Variants in RABGAP1 observed in about 807,000 individuals in gnomAD.
RABGAP1 encodes rab GTPase-activating protein 1.
RABGAP1 carries 23 observed loss-of-function variants against 137.6 expected under a neutral mutation model. The ratio of observed to expected loss-of-function variants is 0.17; its 90% CI spans 0.12 to 0.24. RABGAP1 has a LOEUF of 0.24. RABGAP1 is among the 10% of genes least tolerant of loss of function. The pLI is 1.00. For synonymous variants in RABGAP1, 451 were observed against 450.7 expected (o/e 1.00, Z -0.01); for missense variants, 906 against 1,275.8 (o/e 0.71, Z 4.42).
At chr9:123,060,182 A>G (rs1291400717) in intron 13 of RABGAP1, among the ~76,000 whole-genome samples, 3 of 152,196 alleles carry the variant, frequency 2.0e-5, no homozygotes, top group African/African-American at 7.2e-5. Context: ...CATACACCTT[A>G]TGTGTTCATT....
intron 2 of RABGAP1, among the ~76,000 whole-genome samples, chr9:122,960,108 A>G (rs527423368): frequency 6.6e-6 from 1 of 152,316 alleles, no homozygotes; most frequent in East Asian, 1.9e-4. Flanking sequence ...ATTGGGGAAG[A>G]TTGGTAGATT....
intron 24 of RABGAP1, among the ~76,000 whole-genome samples, chr9:123,101,352 A>C (rs755106442): frequency 2.6e-5 from 4 of 152,208 alleles, no homozygotes; most frequent in Non-Finnish European, 4.4e-5. Flanking sequence ...GAGATTACTG[A>C]ATCAAGACAA....
At chr9:122,963,970 C>G (rs1834991084) in intron 2 of RABGAP1, among the ~76,000 whole-genome samples, 1 of 152,042 alleles carries the variant, frequency 6.6e-6, no homozygotes, top group Non-Finnish European at 1.5e-5. Flanking sequence ...GTTGTGTGCC[C>G]ATAAATAGGT....
intron 6 of RABGAP1, among the ~76,000 whole-genome samples, chr9:122,995,045 AGTTT>A (rs965523398): frequency 2.0e-5 from 3 of 152,180 alleles, no homozygotes; most frequent in Non-Finnish European, 4.4e-5. Flanking sequence ...TGAGCCCAGG[AGTTT>A]GAGGCTGTAG....
chr9:122,967,886 T>A (rs1835254360), intron 2 of RABGAP1, among the ~76,000 whole-genome samples: 1 of 151,562 alleles, frequency 6.6e-6, no homozygotes, highest in Admixed American at 6.6e-5. Context: ...ACCACCACAC[T>A]TGGCCAATTT....
Position 123,070,728 on chromosome 9 carries a change from C to T in RABGAP1, c.1983+304C>T, listed in dbSNP as rs189776102. On this transcript the variant is annotated intron_variant, in intron 15 of 25. Coordinates refer to ENST00000373647, the MANE Select transcript of RABGAP1 (RefSeq NM_012197.4). This position sits in a 1 kb window ranked among gnomAD's most constrained non-coding sequence, Gnocchi z 4.4. ...GACGTTTTATCTTCTCTAAAGTAGC[C>T]GCTGTCATTAATACTTGTTTTGAGA... 5.3e-5 allele frequency among the ~76,000 whole-genome samples: 8 copies of T among 152,220 alleles called. No homozygotes were observed. Among genetic ancestry groups the T allele is most frequent in the Admixed American group, 1.3e-4 (2 of 15,288 alleles).
At chr9:123,101,818 C>T (rs1413481684) in intron 25 of RABGAP1, 55 bp downstream of exon 25, 1 of 1,479,918 alleles carries the variant, frequency 6.8e-7, no homozygotes, top group Non-Finnish European at 9.0e-7. Flanking sequence ...CTGATGTGCA[C>T]TAGAGACCCC....
At chr9:123,034,215 C>G (rs1476632853) in intron 13 of RABGAP1, 1 of 286,878 alleles carries the variant, frequency 3.5e-6, no homozygotes, top group African/African-American at 2.2e-5. Context: ...AGCTCCTAAT[C>G]TTCTTCCCTT....
upstream of RABGAP1, among the ~76,000 whole-genome samples, chr9:122,936,387 C>T (rs530417242): frequency 1.3e-5 from 2 of 152,308 alleles, no homozygotes; most frequent in East Asian, 3.9e-4. Context: ...ACCTAGACAA[C>T]AGTTCTACCA....
At position 123,090,352 on chromosome 9, in the gene RABGAP1, C is replaced by T. The variant is rs1172062256; in HGVS notation, c.2595C>T (p.Thr865=). The change falls in exon 21 of 26, where the codon ACC becomes ACT. Residue 865 remains threonine (T), a synonymous_variant. Coordinates refer to ENST00000373647, the MANE Select transcript of RABGAP1 (RefSeq NM_012197.4). ...ATGACTTAGCCCATGAGCTGGTGAC[C>T]AGCAAGATTGCACTACGGAAGGACC... ...ENDDLAHELV[T]SKIALRKDLD... 6.2e-7 allele frequency: 1 copy of T among 1,613,208 alleles called. No individual in the cohort carries two copies. Among genetic ancestry groups the T allele is most frequent in the Non-Finnish European group, 8.5e-7 (1 of 1,179,682 alleles).
intron 2 of RABGAP1, among the ~76,000 whole-genome samples, chr9:122,975,416 G>C (rs1014710887): frequency 2.6e-5 from 4 of 152,280 alleles, no homozygotes; most frequent in African/African-American, 4.8e-5. Context: ...TTTGTCCTTT[G>C]GTTCCATAAA....
rs11421673 is a variant in RABGAP1, at chr9:123,005,056, CAAAAAAA to C, written c.1375-5283_1375-5277del. On this transcript the variant is annotated intron_variant, in intron 10 of 25. Coordinates refer to ENST00000373647, the MANE Select transcript of RABGAP1 (RefSeq NM_012197.4). ...GGGCAACAAGAGTGAAACTCCATCT[CAAAAAAA>C]AAAAAAAAAAAAAACTAAAAAAGTC... Among the ~76,000 whole-genome samples, 10 of 93,862 alleles carry C rather than the reference CAAAAAAA, an allele frequency of 1.1e-4. No homozygotes were observed. In the East Asian group the frequency reaches 2.4e-3, roughly 23 times the overall value. 61.6% of individuals were successfully genotyped at this position (93,862 alleles called of 152,430 possible).
At chr9:122,960,409 C>G (rs1029888141) in intron 2 of RABGAP1, among the ~76,000 whole-genome samples, 10 of 152,192 alleles carry the variant, frequency 6.6e-5, no homozygotes, top group Admixed American at 2.0e-4. Flanking sequence ...CCACTCTCAT[C>G]CCAAGGTGAC....
intron 13 of RABGAP1, among the ~76,000 whole-genome samples, chr9:123,039,611 G>T (rs567568898): frequency 6.6e-6 from 1 of 152,220 alleles, no homozygotes; most frequent in East Asian, 1.9e-4. Flanking sequence ...GATTAATGTG[G>T]TAATGTGAGT....
intron 13 of RABGAP1, among the ~76,000 whole-genome samples, chr9:123,057,628 G>A (rs1452389679): frequency 2.0e-5 from 3 of 151,878 alleles, no homozygotes; most frequent in Admixed American, 6.6e-5. Flanking sequence ...AGGCAGAGAC[G>A]CTCCTCACTT....
At chr9:122,938,673 CAAT>C (rs1423265875), upstream of RABGAP1, 1 of 152,084 alleles carries the variant, frequency 6.6e-6, no homozygotes, top group Admixed American at 6.5e-5. Flanking sequence ...ATTGTAGATA[CAAT>C]GTTATGTATC....
chr9:122,947,857 G>A lies in RABGAP1; in HGVS notation c.-50+6764G>A, dbSNP rs572520431. On this transcript the variant is annotated intron_variant, in intron 1 of 25. Coordinates refer to ENST00000373647, the MANE Select transcript of RABGAP1 (RefSeq NM_012197.4). ...TTCAAAGAAATAGTCTCAAAATTCA[G>A]AGTCAGAATGAAAACAAAGACATCT... Among the ~76,000 whole-genome samples the A allele has an allele frequency of 5.3e-5, 8 of 152,288 alleles. No individual in the cohort carries two copies. The South Asian group carries it at 1.4e-3, about 28-fold the overall frequency.
At chr9:123,080,647 G>C (rs181417659) in intron 19 of RABGAP1, among the ~76,000 whole-genome samples, 3 of 152,280 alleles carry the variant, frequency 2.0e-5, no homozygotes, top group Admixed American at 1.3e-4. Context: ...TGTGGCTTGC[G>C]TGAGGTATGA....
Position 123,070,360 on chromosome 9 carries a change from T to C in RABGAP1, c.1919T>C (p.Val640Ala). The C allele has an allele frequency of 6.2e-7, 1 of 1,614,060 alleles. No homozygotes were observed. Among genetic ancestry groups the C allele is most frequent in the Non-Finnish European group, 8.5e-7 (1 of 1,179,976 alleles). Residue 640 changes from valine (V) to alanine (A), a missense_variant, in exon 15 of 26, where the codon GTG (valine) becomes GCG (alanine). By Grantham distance (64) the Val-to-Ala change is moderately conservative. This residue lies in a region of RABGAP1 where 30 missense variants were observed against 105.8 expected (regional missense o/e 0.28). Transcript: ENST00000373647. The surrounding 1 kb of genome is among the most constrained non-coding windows in gnomAD (Gnocchi z 4.4). ...TGTTTTATTTTCCAGGCTTATTCTG[T>C]GTATGATGAAGAGATTGGTTATTGC... The part of the protein sequence containing the change: ...SLYKICKAYS[V>A]YDEEIGYCQG...
Sources: allele counts gnomAD v4.1 joint callset (sites outside exome capture counted in the v4.1 genomes callset), GRCh38; gene constraint gnomAD v4.1.1; regional missense constraint gnomAD v4.1.1; non-coding constraint Gnocchi (gnomAD v3.1); transcripts MANE v1.5; gene names NCBI Gene and HGNC (gene_info 2026-07-23, HGNC 2026-07-21).